Variants in TMEM74 observed in about 807,000 individuals in gnomAD.
TMEM74 encodes the protein transmembrane protein 74.
In TMEM74, 13 loss-of-function variants were observed where a neutral mutation model predicts 18.1. The observed-to-expected ratio is 0.72, with a 90% CI of 0.47 to 1.14. TMEM74 has a LOEUF of 1.14. Ranked by LOEUF, TMEM74 falls within the 50% of genes most tolerant of loss-of-function variation. The probability of loss-of-function intolerance (pLI) is 0.00; values close to 1 mark genes in which losing one functional copy is unlikely to be tolerated. For synonymous variants in TMEM74, 159 were observed against 146.6 expected (o/e 1.08, Z -0.61); for missense variants, 372 against 375.9 (o/e 0.99, Z 0.09).
At chr8:108,657,406 G>T (rs536435521) in intron 1 of TMEM74, among the ~76,000 whole-genome samples, 141 of 152,048 alleles carry the variant, frequency 9.3e-4, no homozygotes, top group African/African-American at 3.4e-3. Flanking sequence ...TAACAAGTTT[G>T]GGTATTGGCC....
chr8:108,778,165 T>C (rs1814255737), downstream of TMEM74, among the ~76,000 whole-genome samples: 1 of 152,170 alleles, frequency 6.6e-6, no homozygotes, highest in South Asian at 2.1e-4. Context: ...ACCTTAGAAA[T>C]TCTGGTAGTC....
At chr8:108,657,873 T>A (rs1298639541) in intron 1 of TMEM74, among the ~76,000 whole-genome samples, 8,889 of 50,414 alleles carry the variant, frequency 0.18, 1,566 homozygotes, top group East Asian at 0.21. Flanking sequence ...TATATATATA[T>A]ATATATATAT....
At chr8:108,615,635 G>A (rs978487274) in intron 2 of TMEM74, among the ~76,000 whole-genome samples, 1 of 152,052 alleles carries the variant, frequency 6.6e-6, no homozygotes, top group African/African-American at 2.4e-5. Context: ...GAAGGGAGAA[G>A]AAGAAAACAG....
At position 108,779,505 on chromosome 8, in the gene TMEM74, C is replaced by T. The variant is rs202070086; in HGVS notation, c.*4676G>A. On this transcript the variant is annotated 3_prime_UTR_variant, in exon 2 of 2. Transcript: ENST00000297459. ...ATAATTTCCAAATATCTCACACTCTCATGAGCCTGAAATTGAGAGGTTAAA... is the reference window on the plus strand; with the variant it reads ...ATAATTTCCAAATATCTCACACTCTTATGAGCCTGAAATTGAGAGGTTAAA... Among the ~76,000 whole-genome samples, 26 of 152,218 alleles carry T rather than the reference C, an allele frequency of 1.7e-4. No homozygotes were observed. In the East Asian group the frequency reaches 3.9e-3, roughly 23 times the overall value.
chr8:108,772,001 T>TA (rs1190251736), intron 1 of TMEM74, among the ~76,000 whole-genome samples: 4 of 152,114 alleles, frequency 2.6e-5, no homozygotes, highest in Admixed American at 6.5e-5. Context: ...ATTTTTATGG[T>TA]AAAAAAACTA....
chr8:108,671,360 C>T (rs538583503), intron 1 of TMEM74, among the ~76,000 whole-genome samples: 8 of 152,264 alleles, frequency 5.3e-5, no homozygotes, highest in Middle Eastern at 3.4e-3. Flanking sequence ...GGAGCTGTAC[C>T]ACCCTCTTGC....
chr8:108,680,058 C>T (rs958453948), intron 1 of TMEM74, among the ~76,000 whole-genome samples: 1 of 152,070 alleles, frequency 6.6e-6, no homozygotes, highest in East Asian at 1.9e-4. Context: ...AGCTTACTAA[C>T]CAAAAAAAGT....
chr8:108,631,308 A>C (rs566587005), intron 2 of TMEM74, among the ~76,000 whole-genome samples: 1 of 152,106 alleles, frequency 6.6e-6, no homozygotes, highest in South Asian at 2.1e-4. Context: ...GTGTGAAGGA[A>C]CACAGCCTCC....
At chr8:108,626,418 T>A (rs1812494046) in intron 2 of TMEM74, 1 of 152,062 alleles carries the variant, frequency 6.6e-6, no homozygotes. Flanking sequence ...AGATACCTGA[T>A]TCCTAGATGG....
At chr8:108,705,709 G>T (rs544908020) in intron 1 of TMEM74, among the ~76,000 whole-genome samples, 50 of 151,638 alleles carry the variant, frequency 3.3e-4, no homozygotes, top group Admixed American at 2.6e-3. Flanking sequence ...GTGGCTGCAG[G>T]AGTCTTATGA....
At chr8:108,766,055 T>C (rs1814103719) in intron 1 of TMEM74, among the ~76,000 whole-genome samples, 1 of 152,200 alleles carries the variant, frequency 6.6e-6, no homozygotes, top group African/African-American at 2.4e-5. Flanking sequence ...TTGCATTTAC[T>C]GGTATTCCCT....
intron 2 of TMEM74, among the ~76,000 whole-genome samples, chr8:108,627,723 T>C (rs1812508498): frequency 6.6e-6 from 1 of 151,880 alleles, no homozygotes; most frequent in African/African-American, 2.4e-5. Flanking sequence ...CTGAGACCCA[T>C]AGTGAGGGGA....
At chr8:108,735,063 T>C (rs1371375272) in intron 1 of TMEM74, among the ~76,000 whole-genome samples, 1 of 152,162 alleles carries the variant, frequency 6.6e-6, no homozygotes, top group African/African-American at 2.4e-5. Flanking sequence ...ATCATCATTC[T>C]CCGTCAATGT....
chr8:108,738,877 G>C (rs1813772821), intron 1 of TMEM74, among the ~76,000 whole-genome samples: 1 of 152,116 alleles, frequency 6.6e-6, no homozygotes, highest in Admixed American at 6.5e-5. Context: ...ACATAATCTA[G>C]CCATTATATC....
rs543663891 is a variant in TMEM74, at chr8:108,648,379, A to G, written n.264+6914T>C. Among the ~76,000 whole-genome samples the G allele has an allele frequency of 1.1e-4, 17 of 152,226 alleles. No homozygotes were observed. In the East Asian group the frequency reaches 3.3e-3, roughly 29 times the overall value. Reference sequence around the variant, plus strand: ...GAAAATTGAGGCATCTGGGCTGACAATCTGCCAACTGCCAGGTAGGTAAGA... The same window carrying G: ...GAAAATTGAGGCATCTGGGCTGACAGTCTGCCAACTGCCAGGTAGGTAAGA... On this transcript the variant is annotated intron_variant and non_coding_transcript_variant, in intron 2 of 3. Coordinates refer to the TMEM74 transcript ENST00000518838.
At chr8:108,776,165 G>C (rs898349736), downstream of TMEM74, among the ~76,000 whole-genome samples, 1 of 152,188 alleles carries the variant, frequency 6.6e-6, no homozygotes, top group Non-Finnish European at 1.5e-5. Flanking sequence ...ACAGGATTTT[G>C]TTGGGTTTTG....
chr8:108,699,187 C>CCTTCCTTCCTTCCTTCCTT (rs1563529302), intron 1 of TMEM74, among the ~76,000 whole-genome samples: 1,447 of 68,594 alleles, frequency 0.021, 22 homozygotes, highest in East Asian at 0.054. Flanking sequence ...CTTCCTTCCT[C>CCTTCCTTCCTTCCTTCCTT]CCTCCCTCCC....
intron 1 of TMEM74, among the ~76,000 whole-genome samples, chr8:108,739,210 T>A (rs971961848): frequency 6.6e-6 from 1 of 152,236 alleles, no homozygotes; most frequent in Admixed American, 6.5e-5. Context: ...TGCAGCCAAA[T>A]GCAATCCTTA....
intron 1 of TMEM74, among the ~76,000 whole-genome samples, chr8:108,744,241 C>T (rs1813827988): frequency 6.6e-6 from 1 of 151,990 alleles, no homozygotes; most frequent in Non-Finnish European, 1.5e-5. Flanking sequence ...GGACTAATGA[C>T]CAGAAATGAC....
Sources: gnomAD v4.1 joint callset for allele counts (sites outside exome capture counted in the v4.1 genomes callset) on GRCh38, gnomAD v4.1.1 for gene constraint, MANE v1.5 for transcripts, NCBI Gene and HGNC (gene_info 2026-07-23, HGNC 2026-07-21) for gene names.